DPH6: variants seen among roughly 807,000 people sequenced by gnomAD.
DPH6 encodes the protein diphthine--ammonia ligase.
DPH6 carries 33 observed loss-of-function variants against 38.2 expected under a neutral mutation model. That is an observed-to-expected ratio of 0.86 (90% CI 0.65 to 1.15). DPH6 has a LOEUF of 1.15. Among genes scored for constraint, DPH6 ranks in the 50% most tolerant of loss-of-function variants. DPH6 has a pLI of 0.00. For synonymous variants in DPH6, 108 were observed against 103.0 expected, an observed-to-expected ratio of 1.05 and a Z score of -0.30; for missense variants, 325 against 320.0, an observed-to-expected ratio of 1.02 and a Z score of -0.12.
chr15:35,209,350 T>C, the DPH6 span, among the ~76,000 whole-genome samples: 3 of 152,170 alleles, frequency 2.0e-5, no homozygotes, highest in Non-Finnish European at 4.4e-5. Flanking sequence ...TTTCTGATGA[T>C]GTGATAGTAT....
At chr15:35,184,186 T>C in the DPH6 span, among the ~76,000 whole-genome samples, 4,275 of 152,322 alleles carry the variant, frequency 0.028, 80 homozygotes, top group Middle Eastern at 0.044. Flanking sequence ...GCTGATGCTA[T>C]ATGTTTGTTT....
downstream of DPH6, among the ~76,000 whole-genome samples, chr15:35,327,502 T>C (rs550417946): frequency 1.2e-3 from 185 of 152,172 alleles, no homozygotes; most frequent in South Asian, 2.1e-3. Flanking sequence ...CCTGCTGCCA[T>C]GCCTGGCTAA....
intron 3 of DPH6, among the ~76,000 whole-genome samples, chr15:35,535,116 T>G (rs954430163): frequency 5.9e-5 from 9 of 152,072 alleles, no homozygotes; most frequent in African/African-American, 1.9e-4. Flanking sequence ...AATAGGAATT[T>G]AGGGAAGCGA....
At chr15:35,219,452 T>C (rs1453445775) in exon 4 of DPH6, 1 of 152,198 alleles carries the variant, frequency 6.6e-6, no homozygotes, top group Non-Finnish European at 1.5e-5. Flanking sequence ...TAAAAAATAG[T>C]TGAAAAGCAA....
At chr15:35,487,075 C>G (rs2054412515) in intron 3 of DPH6, among the ~76,000 whole-genome samples, 1 of 152,190 alleles carries the variant, frequency 6.6e-6, no homozygotes, top group African/African-American at 2.4e-5. Flanking sequence ...ACATGGTCTC[C>G]CAAGGCCTTG....
At chr15:35,410,276 T>C (rs932233346) in intron 6 of DPH6, among the ~76,000 whole-genome samples, 3 of 151,824 alleles carry the variant, frequency 2.0e-5, no homozygotes, top group African/African-American at 7.2e-5. Context: ...ATAACATTTG[T>C]TCTAAAACTC....
chr15:35,441,806 T>G (rs2053792023), intron 5 of DPH6, among the ~76,000 whole-genome samples: 1 of 2,750 alleles, frequency 3.6e-4, no homozygotes, highest in African/African-American at 5.4e-4. Flanking sequence ...ACTTAAAGTA[T>G]AATAAAAAAA....
intron 6 of DPH6, among the ~76,000 whole-genome samples, chr15:35,384,571 G>A (rs113384250): frequency 0.029 from 4,491 of 152,238 alleles, 221 homozygotes; most frequent in African/African-American, 0.1. Flanking sequence ...GCTGAGGCAG[G>A]AGAATCGCTT....
intron 3 of DPH6, among the ~76,000 whole-genome samples, chr15:35,349,066 C>T (rs1008359635): frequency 4.6e-5 from 7 of 152,054 alleles, no homozygotes; most frequent in South Asian, 2.1e-4. Context: ...TATTACATCT[C>T]TAGGGTTTTC....
intron 3 of DPH6, among the ~76,000 whole-genome samples, chr15:35,352,096 C>T (rs1171627653): frequency 3.3e-5 from 5 of 152,080 alleles, no homozygotes; most frequent in African/African-American, 9.7e-5. Flanking sequence ...CTTCTGTTTT[C>T]TAATTTATGT....
At chr15:35,257,772 T>TTGTGTGTGTGTGTGTG (rs60955022) in intron 3 of DPH6, among the ~76,000 whole-genome samples, 203 of 148,758 alleles carry the variant, frequency 1.4e-3, no homozygotes, top group Middle Eastern at 3.4e-3. Context: ...GGTCTCAGCT[T>TTGTGTGTGTGTGTGTG]TGTGTGTGTG....
chr15:35,299,465 C>A, intron 3 of DPH6: 1 of 767,018 alleles, frequency 1.3e-6, no homozygotes, highest in Non-Finnish European at 2.4e-6. Flanking sequence ...AATGCCGGCC[C>A]GCCCGCCGAC....
At chr15:35,206,576 A>C in the DPH6 span, among the ~76,000 whole-genome samples, 1 of 152,200 alleles carries the variant, frequency 6.6e-6, no homozygotes, top group Non-Finnish European at 1.5e-5. Context: ...ATTGTTTTTA[A>C]CTTTAAAATA....
intron 3 of DPH6, among the ~76,000 whole-genome samples, chr15:35,289,785 T>C (rs377666304): frequency 6.6e-6 from 1 of 152,218 alleles, no homozygotes; most frequent in Admixed American, 6.5e-5. Context: ...CAGAACAAAA[T>C]AAAGGTTTTA....
intron 1 of DPH6, 120 bp from the exon 2 acceptor site, chr15:35,542,627 C>T (rs2055270178): frequency 1.1e-6 from 1 of 906,870 alleles, no homozygotes; most frequent in Non-Finnish European, 1.6e-6. Context: ...TATTACAATG[C>T]AAAAAAAACC....
the DPH6 span, among the ~76,000 whole-genome samples, chr15:35,205,161 A>T: frequency 6.6e-6 from 1 of 152,158 alleles, no homozygotes; most frequent in African/African-American, 2.4e-5. Context: ...TTTAAAAAAC[A>T]AAATACATGT....
At chr15:35,432,906 G>T (rs1364826887) in intron 5 of DPH6, among the ~76,000 whole-genome samples, 1 of 152,114 alleles carries the variant, frequency 6.6e-6, no homozygotes, top group African/African-American at 2.4e-5. Context: ...GTCAGGTACT[G>T]AGCTCACTAT....
intron 4 of DPH6, among the ~76,000 whole-genome samples, chr15:35,451,609 G>A (rs541261254): frequency 6.6e-6 from 1 of 152,166 alleles, no homozygotes; most frequent in South Asian, 2.1e-4. Context: ...TAACAACCTC[G>A]TTTGAGCCAC....
chr15:35,441,821 T>G (rs2053792521), intron 5 of DPH6, among the ~76,000 whole-genome samples: 1 of 151,186 alleles, frequency 6.6e-6, no homozygotes, highest in Admixed American at 6.6e-5. Flanking sequence ...AAAAAAATGA[T>G]GAGCTCATAT....
Sources: gnomAD v4.1 joint callset for allele counts (sites outside exome capture counted in the v4.1 genomes callset) on GRCh38, gnomAD v4.1.1 for gene constraint, MANE v1.5 for transcripts, NCBI Gene and HGNC (gene_info 2026-07-23, HGNC 2026-07-21) for gene names.